The following LONP2 variants were observed in gnomAD, a reference collection of about 807,000 sequenced individuals.
The protein encoded by LONP2 is lon peptidase 2, peroxisomal.
LONP2 carries 60 observed loss-of-function variants against 85.6 expected under a neutral mutation model. The observed-to-expected ratio is 0.70, with a 90% CI of 0.57 to 0.87. The LOEUF (loss-of-function observed/expected upper bound fraction) is 0.87. Among genes scored for constraint, LONP2 ranks in the 40% least tolerant of loss-of-function variants. LONP2 has a pLI of 0.00. For missense variants in LONP2, 860 were observed against 1,063.5 expected, an observed-to-expected ratio of 0.81 and a Z score of 2.66; for synonymous variants, 395 against 389.7, an observed-to-expected ratio of 1.01 and a Z score of -0.16.
chr16:48,302,013 T>C (rs945166360), intron 10 of LONP2, among the ~76,000 whole-genome samples: 4 of 152,228 alleles, frequency 2.6e-5, no homozygotes, highest in African/African-American at 9.6e-5. Flanking sequence ...GTGTTTCAGA[T>C]AGAGTCTAAA....
At position 48,274,126 on chromosome 16, in the gene LONP2, T is replaced by C. The variant is rs557269809; in HGVS notation, c.1242-3212T>C. Among the ~76,000 whole-genome samples, 9 of 152,304 alleles carry C rather than the reference T, an allele frequency of 5.9e-5. No individual in the cohort carries two copies. In the East Asian group the frequency reaches 1.7e-3, roughly 29 times the overall value. ...TTTGCATGTAGCTCTTCTTTGCCTC[T>C]CCAAAACTTAGGTTTATTTTAAGGC... On this transcript the variant is annotated intron_variant, in intron 7 of 14. Transcript: ENST00000285737.
intron 11 of LONP2, among the ~76,000 whole-genome samples, chr16:48,306,046 C>G (rs1429411244): frequency 6.6e-6 from 1 of 152,072 alleles, no homozygotes; most frequent in Non-Finnish European, 1.5e-5. Context: ...AAAGTTAAGA[C>G]CTAGATCTAG....
chr16:48,279,790 G>T (rs2150983896), intron 8 of LONP2, among the ~76,000 whole-genome samples: 1 of 152,266 alleles, frequency 6.6e-6, no homozygotes, highest in African/African-American at 2.4e-5. Flanking sequence ...TTGTAAAATT[G>T]AGGAAAACTT....
chr16:48,362,340 G>A, downstream of LONP2: 1 of 1,614,186 alleles, frequency 6.2e-7, no homozygotes, highest in Non-Finnish European at 8.5e-7. The surrounding 1 kb of genome is among the most constrained non-coding windows in gnomAD (Gnocchi z 4.2). Flanking sequence ...ATTGTTGGAT[G>A]CAGTTGTGCC....
intron 12 of LONP2, among the ~76,000 whole-genome samples, chr16:48,337,459 T>C (rs555574691): frequency 6.6e-6 from 1 of 152,336 alleles, no homozygotes; most frequent in African/African-American, 2.4e-5. Context: ...TCAGTCATGG[T>C]TGTCTTTCCA....
At chr16:48,277,090 G>T (rs1034675003) in intron 7 of LONP2, among the ~76,000 whole-genome samples, 1 of 152,110 alleles carries the variant, frequency 6.6e-6, no homozygotes, top group African/African-American at 2.4e-5. Flanking sequence ...TTCACCAAAT[G>T]GCAAAATGTG....
Position 48,299,729 on chromosome 16 carries a change from T to C in LONP2, c.1602T>C (p.His534=), listed in dbSNP as rs1340971459. ...RHLIPKQLEQ[H]GLTPQQIQIP... The stretch of plus-strand genomic sequence containing the variant: ...TGATCCCCAAGCAGCTGGAACAACA[T>C]GGGCTGACTCCACAGCAGATTCAGA... The change falls in exon 10 of 15, where the codon CAT becomes CAC. Residue 534 remains histidine, a synonymous_variant. Coordinates refer to ENST00000285737, the MANE Select transcript of LONP2 (RefSeq NM_031490.5). 1 of 1,614,082 alleles carries C rather than the reference T, an allele frequency of 6.2e-7. No homozygotes were observed.
In LONP2 at chr16:48,270,213, C is replaced by T. The variant is rs138063058; in HGVS notation, c.1180C>T (p.Arg394Ter). The T allele has an allele frequency of 2.1e-5, 34 of 1,613,816 alleles. No homozygotes were observed. Among genetic ancestry groups the T allele is most frequent in the South Asian group, 3.3e-5 (3 of 91,066 alleles). Residue 394 changes from arginine to a stop codon, truncating the protein, a stop_gained, in exon 7 of 15, where the codon CGA becomes TGA. Transcript: ENST00000285737. LOFTEE classifies it high-confidence loss of function. ...AAGATCAGTGGCCAAGACTCTAGGT[C>T]GAGAGTTCCACAGGATTGCACTTGG... ...VGRSVAKTLGREFHRIALGGV... is the reference protein window; with the variant it reads ...VGRSVAKTLG
intron 9 of LONP2, among the ~76,000 whole-genome samples, 188 bp from the exon 10 acceptor site, chr16:48,299,474 C>G (rs188821749): frequency 3.3e-5 from 5 of 151,508 alleles, no homozygotes; most frequent in African/African-American, 1.2e-4. Flanking sequence ...CCCAGCTGCT[C>G]GGGAGGGTGA....
At chr16:48,264,903 A>G (rs941019641) in intron 6 of LONP2, among the ~76,000 whole-genome samples, 1 of 147,194 alleles carries the variant, frequency 6.8e-6, no homozygotes, top group East Asian at 1.9e-4. Flanking sequence ...ACAACAGTGT[A>G]CAAGGGTGCC....
chr16:48,323,873 T>C (rs2151017418), intron 11 of LONP2, among the ~76,000 whole-genome samples: 1 of 152,290 alleles, frequency 6.6e-6, no homozygotes, highest in South Asian at 2.1e-4. Context: ...TTCTGGGCAT[T>C]TGATCTACAG....
At chr16:48,308,576 G>A (rs575284763) in intron 11 of LONP2, among the ~76,000 whole-genome samples, 14 of 149,650 alleles carry the variant, frequency 9.4e-5, no homozygotes, top group Admixed American at 8.7e-4. Flanking sequence ...GCAGTGAGCC[G>A]AGATCGCGCC....
intron 2 of LONP2, 113 bp from the exon 3 acceptor site, chr16:48,256,497 C>G (rs1434042978): frequency 5.5e-6 from 6 of 1,084,266 alleles, no homozygotes; most frequent in Admixed American, 4.5e-5. Context: ...AATCAGTGAT[C>G]TTTCAAAAAC....
intron 8 of LONP2, among the ~76,000 whole-genome samples, chr16:48,295,626 A>G (rs1441358566): frequency 6.6e-6 from 1 of 152,224 alleles, no homozygotes; most frequent in Non-Finnish European, 1.5e-5. Context: ...ATTTCAAAAT[A>G]CTTTACACAT....
At chr16:48,295,368 T>C (rs1972646775) in intron 8 of LONP2, among the ~76,000 whole-genome samples, 1 of 152,112 alleles carries the variant, frequency 6.6e-6, no homozygotes. Context: ...TAAGACTCTG[T>C]CTCAAGAAAA....
chr16:48,338,570 G>C (rs2151027519), intron 12 of LONP2, among the ~76,000 whole-genome samples: 1 of 152,256 alleles, frequency 6.6e-6, no homozygotes, highest in East Asian at 1.9e-4. Flanking sequence ...GATGAGGAGA[G>C]AGTGTTGCAA....
At chr16:48,331,587 C>T (rs537181719) in intron 11 of LONP2, among the ~76,000 whole-genome samples, 4 of 144,022 alleles carry the variant, frequency 2.8e-5, no homozygotes, top group Non-Finnish European at 3.0e-5. Context: ...TTTTTTGAGA[C>T]GGAGTCTCAC....
chr16:48,308,598 G>A (rs1472943844), intron 11 of LONP2, among the ~76,000 whole-genome samples: 1 of 148,980 alleles, frequency 6.7e-6, no homozygotes, highest in East Asian at 2.0e-4. Context: ...TTGCACTCCA[G>A]TGTAGGGGTA....
intron 8 of LONP2, among the ~76,000 whole-genome samples, chr16:48,288,604 C>T (rs1208786113): frequency 6.6e-6 from 1 of 152,050 alleles, no homozygotes; most frequent in East Asian, 1.9e-4. Context: ...CTCCTAAGGC[C>T]TCTCTCCTTG....
Sources: gnomAD v4.1 joint callset for allele counts (sites outside exome capture counted in the v4.1 genomes callset) on GRCh38, gnomAD v4.1.1 for gene constraint, Gnocchi (gnomAD v3.1) non-coding constraint, MANE v1.5 for transcripts, NCBI Gene and HGNC (gene_info 2026-07-23, HGNC 2026-07-21) for gene names.